The following PALLD variants were observed in gnomAD, a reference collection of about 807,000 sequenced individuals.
The protein encoded by PALLD is palladin.
PALLD carries 61 observed loss-of-function variants against 123.5 expected under a neutral mutation model. The observed-to-expected ratio is 0.49, with a 90% confidence interval of 0.40 to 0.61. PALLD has a LOEUF of 0.61. PALLD is among the 20% of genes least tolerant of loss of function. PALLD has a pLI of 0.00. For missense variants in PALLD, 1,273 were observed against 1,377.0 expected (o/e 0.92, Z 1.20); for synonymous variants, 465 against 496.4 (o/e 0.94, Z 0.84).
At chr4:168,525,066 G>A (rs1403672809) in intron 2 of PALLD, among the ~76,000 whole-genome samples, 1 of 152,096 alleles carries the variant, frequency 6.6e-6, no homozygotes, top group Non-Finnish European at 1.5e-5. Context: ...TTAGCTGCCA[G>A]CATTCTAATT....
At chr4:168,637,847 G>A (rs545264007) in intron 2 of PALLD, among the ~76,000 whole-genome samples, 1 of 146,014 alleles carries the variant, frequency 6.8e-6, no homozygotes. Context: ...GGTTGGCTGA[G>A]ACAGGAGAAT....
intron 10 of PALLD, chr4:168,864,683 T>A (rs1040822069): frequency 6.6e-6 from 1 of 152,216 alleles, no homozygotes; most frequent in Non-Finnish European, 1.5e-5. Context: ...GAAATCCAGA[T>A]GTGGTGTGCA....
intron 2 of PALLD, among the ~76,000 whole-genome samples, chr4:168,512,892 A>G (rs1335829151): frequency 6.6e-5 from 10 of 152,070 alleles, no homozygotes; most frequent in Non-Finnish European, 1.5e-5. Flanking sequence ...AACAATAAAC[A>G]CCGAGGCCTA....
At chr4:168,579,696 A>G (rs1365242549) in intron 2 of PALLD, among the ~76,000 whole-genome samples, 4 of 152,120 alleles carry the variant, frequency 2.6e-5, no homozygotes, top group Non-Finnish European at 5.9e-5. Context: ...TTACATAAAA[A>G]TTATTTTAAA....
rs183306986 is a variant in PALLD at position 168,592,046 on chromosome 4, G to A, written c.909-76144G>A. On this transcript the variant is annotated intron_variant, in intron 2 of 21. Coordinates refer to ENST00000505667, the MANE Select transcript of PALLD (RefSeq NM_001166108.2). ...TTTTTTTTTTTTTTGAGATGGAGTC[G>A]CGCTCTGTCACCCAGGCTGCAGTGC... Among the ~76,000 whole-genome samples, 439 of 144,716 alleles carry A rather than the reference G, an allele frequency of 3.0e-3. 3 individuals are homozygous for A. Among genetic ancestry groups the A allele is most frequent in the Non-Finnish European group, 3.8e-3 (251 of 66,872 alleles). The allele number at this position is 144,716 out of a possible 152,430, so 94.9% of individuals were successfully genotyped here. A position where few individuals can be genotyped will look rare whatever the true frequency, so the allele number is the denominator to read the frequency against.
chr4:168,797,622 T>A (rs549896315), intron 10 of PALLD, among the ~76,000 whole-genome samples: 1 of 152,288 alleles, frequency 6.6e-6, no homozygotes, highest in Admixed American at 6.5e-5. Flanking sequence ...TCTGAAGAGA[T>A]GGCTTGGAAG....
intron 7 of PALLD, 147 bp from the exon 8 acceptor site, chr4:168,691,122 A>G: frequency 1.5e-6 from 1 of 678,064 alleles, no homozygotes; most frequent in South Asian, 1.7e-5. Flanking sequence ...ATCACTTTAT[A>G]TCTTTTGTAT....
chr4:168,891,005 A>T lies in PALLD; in HGVS notation c.2048A>T (p.Asp683Val), dbSNP rs745465572. The change falls in exon 11 of 22, where the codon GAC becomes GTC. Residue 683 changes from aspartate (D) to valine (V), a missense_variant. Around this residue, in one of 2 missense-constraint regions of PALLD, gnomAD observed 944 missense variants for 954.5 expected, o/e 0.99. Coordinates refer to ENST00000505667, the MANE Select transcript of PALLD (RefSeq NM_001166108.2). ...IQGTKDAVIQ[D>V]LERKLRFKED... Reference sequence around the variant, plus strand: ...GGCACAAAGGATGCTGTTATTCAAGACCTGGAACGAAAACTTCGCTTCAAG... The same window carrying T: ...GGCACAAAGGATGCTGTTATTCAAGTCCTGGAACGAAAACTTCGCTTCAAG... 6.2e-7 allele frequency: 1 copy of T among 1,614,100 alleles called. No individual in the cohort carries two copies. Among genetic ancestry groups the T allele is most frequent in the South Asian group, 1.1e-5 (1 of 91,082 alleles).
At chr4:168,608,850 A>AT (rs11398274) in intron 2 of PALLD, among the ~76,000 whole-genome samples, 48,809 of 135,700 alleles carry the variant, frequency 0.36, 8,757 homozygotes, top group East Asian at 0.78. Flanking sequence ...AGCTATAACT[A>AT]TTTTTTTTTT....
At chr4:168,607,333 A>C (rs1773281633) in intron 2 of PALLD, among the ~76,000 whole-genome samples, 1 of 152,196 alleles carries the variant, frequency 6.6e-6, no homozygotes, top group Non-Finnish European at 1.5e-5. Flanking sequence ...AAAAACAAAC[A>C]ATGACAGAGG....
chr4:168,565,009 A>G (rs1768227057), intron 2 of PALLD, among the ~76,000 whole-genome samples: 1 of 149,562 alleles, frequency 6.7e-6, no homozygotes, highest in African/African-American at 2.5e-5. Flanking sequence ...AACATGGTGA[A>G]ACCCCATCTC....
chr4:168,562,787 G>A (rs916528151), intron 2 of PALLD, among the ~76,000 whole-genome samples: 14 of 152,192 alleles, frequency 9.2e-5, no homozygotes, highest in Admixed American at 5.9e-4. Flanking sequence ...ACTCTAGGCC[G>A]TGGAAAGGAG....
chr4:168,903,834 C>G lies in PALLD; in HGVS notation c.2550C>G (p.Thr850=), dbSNP rs772737020. 6.2e-7 allele frequency: 1 copy of G among 1,612,904 alleles called. No individual in the cohort carries two copies. The highest frequency in any genetic ancestry group is 8.5e-7 in the Non-Finnish European group (1 of 1,178,910). Residue 850 remains threonine, a synonymous_variant, in exon 15 of 22, where the codon ACC becomes ACG. Transcript: ENST00000505667. ...HYTIQRDLDG[T]CSLHTTASTL... Reference sequence around the variant, plus strand: ...CCATTCAAAGAGATCTCGATGGGACCTGCTCCCTCCATACCACAGCCTCCA... The same window carrying G: ...CCATTCAAAGAGATCTCGATGGGACGTGCTCCCTCCATACCACAGCCTCCA...
intron 2 of PALLD, among the ~76,000 whole-genome samples, chr4:168,602,098 T>C (rs991164001): frequency 2.6e-5 from 4 of 152,194 alleles, no homozygotes; most frequent in African/African-American, 9.7e-5. Context: ...GTCAGACAGT[T>C]GGTCTGGCCA....
At chr4:168,709,774 G>A (rs191095167) in intron 9 of PALLD, among the ~76,000 whole-genome samples, 1 of 151,912 alleles carries the variant, frequency 6.6e-6, no homozygotes, top group African/African-American at 2.4e-5. Flanking sequence ...GGGAGAAGAA[G>A]GAGTGAAGTG....
At chr4:168,751,875 T>C (rs1488649133) in intron 10 of PALLD, among the ~76,000 whole-genome samples, 4 of 152,196 alleles carry the variant, frequency 2.6e-5, no homozygotes, top group African/African-American at 9.6e-5. Flanking sequence ...TCCATGTTAA[T>C]CAGTAGCATG....
rs548383034 is a variant in PALLD, at chr4:168,606,898, T to C, written c.909-61292T>C. ...CCTTCCTGAGATCAGAGGAGCCATC[T>C]TGAGGCACAAGCTGAGATTTTCTCT... On this transcript the variant is annotated intron_variant, in intron 2 of 21. Coordinates refer to ENST00000505667, the MANE Select transcript of PALLD (RefSeq NM_001166108.2). Among the ~76,000 whole-genome samples the C allele has an allele frequency of 3.9e-5, 6 of 152,322 alleles. No individual in the cohort carries two copies. In the East Asian group the frequency reaches 7.7e-4, roughly 20 times the overall value.
At chr4:168,629,325 A>AT (rs1475664969) in intron 2 of PALLD, among the ~76,000 whole-genome samples, 2 of 152,060 alleles carry the variant, frequency 1.3e-5, no homozygotes. Context: ...TGCCTATAGT[A>AT]TTTTTAAGAA....
At chr4:168,778,089 G>GA (rs1205571334) in intron 10 of PALLD, among the ~76,000 whole-genome samples, 1 of 151,840 alleles carries the variant, frequency 6.6e-6, no homozygotes, top group Non-Finnish European at 1.5e-5. Context: ...CAAGGAAAAG[G>GA]AAAAAAGGGG....
Sources: allele counts gnomAD v4.1 joint callset (sites outside exome capture counted in the v4.1 genomes callset), GRCh38; gene constraint gnomAD v4.1.1; regional missense constraint gnomAD v4.1.1; transcripts MANE v1.5; gene names NCBI Gene and HGNC (gene_info 2026-07-23, HGNC 2026-07-21).